PALM2AKAP2: variants seen among roughly 807,000 people sequenced by gnomAD.
The protein encoded by PALM2AKAP2 is PALM2-AKAP2 fusion protein.
A neutral mutation model predicts 71.5 loss-of-function variants in PALM2AKAP2; 37 were observed. The ratio of observed to expected loss-of-function variants is 0.52; its 90% CI spans 0.40 to 0.68. The LOEUF is 0.68. Ranked by LOEUF, PALM2AKAP2 falls within the 30% of genes least tolerant of loss-of-function variation. PALM2AKAP2 has a pLI of 0.00. For synonymous variants in PALM2AKAP2, 468 were observed against 478.8 expected, an observed-to-expected ratio of 0.98 and a Z score of 0.29; for missense variants, 1,224 against 1,191.8, an observed-to-expected ratio of 1.03 and a Z score of -0.40.
At chr9:110,135,164 A>AAAAAAATATATATATATATATAT in intron 1 of PALM2AKAP2, among the ~76,000 whole-genome samples, 1 of 51,730 alleles carries the variant, frequency 1.9e-5, no homozygotes, top group South Asian at 7.4e-4. Context: ...AAAAAAAAAA[A>AAAAAAATATATATATATATATAT]ATATATAAAT....
chr9:109,915,493 G>C (rs1413944903), intron 3 of PALM2AKAP2, among the ~76,000 whole-genome samples: 1 of 152,210 alleles, frequency 6.6e-6, no homozygotes, highest in Non-Finnish European at 1.5e-5. Context: ...TAGGGGCAAA[G>C]GGTACTGGTT....
At chr9:109,910,598 A>G (rs184337339) in intron 3 of PALM2AKAP2, among the ~76,000 whole-genome samples, 20 of 152,196 alleles carry the variant, frequency 1.3e-4, no homozygotes, top group Non-Finnish European at 1.5e-5. Flanking sequence ...TTAAAAACGA[A>G]GAAGTCAAAC....
At position 109,753,014 on chromosome 9, in the gene PALM2AKAP2, A is replaced by G. The variant is rs145363138; in HGVS notation, c.6-27474A>G. Among the ~76,000 whole-genome samples the G allele has an allele frequency of 9.2e-5, 14 of 152,260 alleles. No homozygotes were observed. The East Asian group carries it at 2.5e-3, about 27-fold the overall frequency. ...CTGCCTGTTTTCTGGCTTTAGATGA[A>G]GTTCACTCCATTTCAATCCTGGTCA... On this transcript the variant is annotated intron_variant, in intron 1 of 6. Transcript: ENST00000374531.
intron 1 of PALM2AKAP2, among the ~76,000 whole-genome samples, chr9:110,052,435 T>G (rs531356431): frequency 6.6e-6 from 1 of 152,344 alleles, no homozygotes; most frequent in South Asian, 2.1e-4. Context: ...TATGAACATG[T>G]AAGACTACTG....
At chr9:109,998,337 G>A (rs80127859) in intron 6 of PALM2AKAP2, among the ~76,000 whole-genome samples, 5,358 of 152,102 alleles carry the variant, frequency 0.035, 188 homozygotes, top group East Asian at 0.18. Flanking sequence ...CCAAAAGGCC[G>A]GGCTCCAGAC....
chr9:110,069,049 A>G (rs1834148018), intron 1 of PALM2AKAP2, among the ~76,000 whole-genome samples: 1 of 152,222 alleles, frequency 6.6e-6, no homozygotes, highest in South Asian at 2.1e-4. Context: ...CTGAAGCCAC[A>G]GTGTAATTCA....
chr9:109,688,227 G>T (rs535835972), intron 1 of PALM2AKAP2, among the ~76,000 whole-genome samples: 1 of 152,322 alleles, frequency 6.6e-6, no homozygotes, highest in South Asian at 2.1e-4. Context: ...TCATCACAGG[G>T]TTGCTGCAAA....
chr9:110,120,301 G>A (rs901241435), intron 1 of PALM2AKAP2, among the ~76,000 whole-genome samples: 1 of 152,226 alleles, frequency 6.6e-6, no homozygotes, highest in African/African-American at 2.4e-5. Flanking sequence ...GCAGACAGCA[G>A]AGTCATCTTT....
At chr9:110,027,484 A>G (rs934514872) in intron 7 of PALM2AKAP2, among the ~76,000 whole-genome samples, 1 of 152,268 alleles carries the variant, frequency 6.6e-6, no homozygotes, top group African/African-American at 2.4e-5. Context: ...TTAGCACAGC[A>G]GAATTTTCCT....
At position 110,080,288 on chromosome 9, in the gene PALM2AKAP2, G is replaced by A. The variant is rs1236486914; in HGVS notation, c.156+31433G>A. On this transcript the variant is annotated intron_variant, in intron 1 of 3. Transcript: ENST00000374525. ...TGCATCCCAGGAGACCAATGATAGT[G>A]ATGGAAATTGGTAGGGAAGGTTGCT... 2.0e-5 allele frequency among the ~76,000 whole-genome samples: 3 copies of A among 152,132 alleles called. No homozygotes were observed. In the South Asian group the frequency reaches 6.2e-4, roughly 32 times the overall value.
chr9:110,101,443 A>T (rs1423967017), intron 1 of PALM2AKAP2, among the ~76,000 whole-genome samples: 1 of 152,140 alleles, frequency 6.6e-6, no homozygotes, highest in Non-Finnish European at 1.5e-5. Flanking sequence ...AATAGAGGTT[A>T]GGGAAATATA....
chr9:109,939,827 G>A (rs998991963), intron 6 of PALM2AKAP2, among the ~76,000 whole-genome samples: 2 of 152,200 alleles, frequency 1.3e-5, no homozygotes, highest in East Asian at 3.8e-4. Flanking sequence ...GCCTCCCATT[G>A]TGTCACTTGA....
chr9:110,094,628 G>T lies in PALM2AKAP2; in HGVS notation c.157-41499G>T, dbSNP rs373340257. ...GGTGCTACATACTTTTAAACAACAA[G>T]ATCTTGTGAGAACTCTATTATCGGA... On this transcript the variant is annotated intron_variant, in intron 1 of 3. Coordinates refer to ENST00000374525, the Ensembl canonical transcript of PALM2AKAP2. 5.8e-5 allele frequency among the ~76,000 whole-genome samples: 8 copies of T among 136,798 alleles called. No homozygotes were observed. The East Asian group carries it at 1.8e-3, about 30-fold the overall frequency. The allele number at this position is 136,798 out of a possible 152,430, so 89.7% of individuals were successfully genotyped here. A position where few individuals can be genotyped will look rare whatever the true frequency, so the allele number is the denominator to read the frequency against.
intron 1 of PALM2AKAP2, among the ~76,000 whole-genome samples, chr9:109,857,396 C>T (rs958953083): frequency 6.6e-6 from 1 of 152,184 alleles, no homozygotes; most frequent in Non-Finnish European, 1.5e-5. Context: ...ATTGGTTCAC[C>T]AGACATTGCT....
chr9:109,948,586 G>A (rs1831564991), intron 6 of PALM2AKAP2, among the ~76,000 whole-genome samples: 1 of 152,046 alleles, frequency 6.6e-6, no homozygotes, highest in African/African-American at 2.4e-5. Flanking sequence ...TGTTTTCTAA[G>A]TTTTTACAGG....
chr9:110,081,193 A>G (rs1834440719), intron 1 of PALM2AKAP2, among the ~76,000 whole-genome samples: 1 of 152,220 alleles, frequency 6.6e-6, no homozygotes, highest in Non-Finnish European at 1.5e-5. Context: ...ATGCACATTG[A>G]GTAAGTAGGA....
intron 6 of PALM2AKAP2, among the ~76,000 whole-genome samples, chr9:109,969,695 T>G (rs2132148192): frequency 2.0e-5 from 3 of 152,318 alleles, no homozygotes; most frequent in Middle Eastern, 6.8e-3. Flanking sequence ...GAGCCAAGCT[T>G]GGAGACAGGA....
intron 3 of PALM2AKAP2, among the ~76,000 whole-genome samples, chr9:110,157,089 C>T (rs1222868323): frequency 2.0e-5 from 3 of 152,186 alleles, no homozygotes; most frequent in Non-Finnish European, 4.4e-5. Flanking sequence ...TTGCACATAA[C>T]GTTCAAATTA....
intron 1 of PALM2AKAP2, among the ~76,000 whole-genome samples, chr9:109,702,886 T>G (rs932081233): frequency 6.6e-6 from 1 of 151,904 alleles, no homozygotes; most frequent in African/African-American, 2.4e-5. Flanking sequence ...TGCTGTGATC[T>G]TGGTTCACGG....
Sources: allele counts gnomAD v4.1 joint callset (sites outside exome capture counted in the v4.1 genomes callset), GRCh38; gene constraint gnomAD v4.1.1; transcripts MANE v1.5; gene names NCBI Gene and HGNC (gene_info 2026-07-23, HGNC 2026-07-21).